The following CDH12 variants were observed in gnomAD, a reference collection of about 807,000 sequenced individuals.
The protein encoded by CDH12 is cadherin 12, also known as cadherin-12.
Under a neutral mutation model 74.1 loss-of-function variants are expected in CDH12, and 41 were observed. That is an observed-to-expected ratio of 0.55 (90% CI 0.43 to 0.72). The LOEUF is 0.72. CDH12 is among the 30% of genes least tolerant of loss of function. The probability of loss-of-function intolerance (pLI) is 0.00; values close to 1 mark genes in which losing one functional copy is unlikely to be tolerated. For synonymous variants in CDH12, 399 were observed against 355.0 expected (o/e 1.12, Z -1.39); for missense variants, 945 against 977.2 (o/e 0.97, Z 0.44).
intron 2 of CDH12, among the ~76,000 whole-genome samples, chr5:22,447,758 T>C (rs1744877221): frequency 6.6e-6 from 1 of 151,892 alleles, no homozygotes; most frequent in Non-Finnish European, 1.5e-5. Flanking sequence ...GGAATAAAAG[T>C]AAAACAAAAT....
chr5:21,780,532 T>G (rs1385859358), intron 11 of CDH12, among the ~76,000 whole-genome samples: 1 of 152,224 alleles, frequency 6.6e-6, no homozygotes, highest in Non-Finnish European at 1.5e-5. Flanking sequence ...AAGCCTATTA[T>G]GCCTACATCA....
intron 1 of CDH12, among the ~76,000 whole-genome samples, chr5:22,784,036 A>C (rs1383189490): frequency 2.0e-5 from 3 of 152,078 alleles, no homozygotes; most frequent in South Asian, 2.1e-4. Context: ...GTCTGAGGGC[A>C]GTCCTGATTA....
At chr5:22,755,524 C>T (rs950172171) in intron 1 of CDH12, among the ~76,000 whole-genome samples, 5 of 152,026 alleles carry the variant, frequency 3.3e-5, no homozygotes, top group African/African-American at 1.2e-4. Context: ...AAGTAATGCA[C>T]ATTTTTTGGT....
intron 6 of CDH12, among the ~76,000 whole-genome samples, chr5:21,896,992 C>T (rs1753154836): frequency 6.6e-6 from 1 of 151,052 alleles, no homozygotes; most frequent in African/African-American, 2.4e-5. Context: ...ACAAGCCAAC[C>T]AAAAAAAATT....
intron 3 of CDH12, among the ~76,000 whole-genome samples, chr5:22,281,886 T>C (rs1426705018): frequency 6.6e-6 from 1 of 152,120 alleles, no homozygotes; most frequent in Non-Finnish European, 1.5e-5. Flanking sequence ...TTTAATTTCA[T>C]AGGAAACCAA....
At chr5:22,402,227 A>G (rs1184338531) in intron 3 of CDH12, among the ~76,000 whole-genome samples, 3 of 152,324 alleles carry the variant, frequency 2.0e-5, no homozygotes, top group African/African-American at 7.2e-5. Context: ...AGATATTGGC[A>G]GAAACATGAA....
intron 1 of CDH12, among the ~76,000 whole-genome samples, chr5:22,601,760 A>G (rs1228240128): frequency 6.6e-6 from 1 of 152,104 alleles, no homozygotes; most frequent in African/African-American, 2.4e-5. Context: ...GAGGCCCTAG[A>G]TGAACCTTTC....
At chr5:22,456,107 T>TTATATATATATATATATATATATA (rs36020133) in intron 2 of CDH12, among the ~76,000 whole-genome samples, 26 of 147,884 alleles carry the variant, frequency 1.8e-4, no homozygotes, top group African/African-American at 6.3e-4. Flanking sequence ...CATGTGGATA[T>TTATATATATATATATATATATATA]TATATATATA....
At chr5:22,343,183 G>T (rs1739950589) in intron 3 of CDH12, among the ~76,000 whole-genome samples, 1 of 151,410 alleles carries the variant, frequency 6.6e-6, no homozygotes, top group South Asian at 2.1e-4. Context: ...GTAGAACGTA[G>T]ACTAACATGG....
intron 1 of CDH12, among the ~76,000 whole-genome samples, chr5:22,730,715 T>A (rs1230041598): frequency 6.6e-6 from 1 of 151,732 alleles, no homozygotes; most frequent in East Asian, 1.9e-4. Context: ...GGTGTTTAGA[T>A]GTGTAGAAAC....
chr5:22,139,144 CA>C (rs774926439), intron 4 of CDH12: 3 of 148,088 alleles, frequency 2.0e-5, no homozygotes, highest in South Asian at 4.3e-4. Context: ...TTTATTAAAT[CA>C]ATCCCTATGA....
At chr5:22,722,973 T>G (rs1041637079) in intron 1 of CDH12, among the ~76,000 whole-genome samples, 1 of 152,180 alleles carries the variant, frequency 6.6e-6, no homozygotes, top group Non-Finnish European at 1.5e-5. Flanking sequence ...AAGCTTCATT[T>G]CACTGGAGGC....
chr5:22,556,431 GGC>G (rs1738807698), intron 1 of CDH12, among the ~76,000 whole-genome samples: 2 of 151,964 alleles, frequency 1.3e-5, no homozygotes, highest in African/African-American at 4.8e-5. Context: ...AGTGACTTCA[GGC>G]ACAAATGAAA....
intron 1 of CDH12, among the ~76,000 whole-genome samples, chr5:22,594,673 G>A (rs543232214): frequency 2.0e-5 from 3 of 152,078 alleles, no homozygotes; most frequent in South Asian, 2.1e-4. Context: ...GCTGAAATGA[G>A]CATTTTAACT....
intron 6 of CDH12, among the ~76,000 whole-genome samples, chr5:21,901,536 T>C (rs991368679): frequency 1.3e-5 from 2 of 152,224 alleles, no homozygotes; most frequent in African/African-American, 4.8e-5. Flanking sequence ...AATTTCCTTT[T>C]ATTTATGTCA....
At chr5:22,302,492 G>A (rs1469800439) in intron 3 of CDH12, among the ~76,000 whole-genome samples, 1 of 152,106 alleles carries the variant, frequency 6.6e-6, no homozygotes, top group Non-Finnish European at 1.5e-5. Context: ...CCTTGGATAG[G>A]TTGAATTTAA....
chr5:22,075,087 T>A (rs1367835058), intron 5 of CDH12, among the ~76,000 whole-genome samples: 1 of 151,854 alleles, frequency 6.6e-6, no homozygotes, highest in Non-Finnish European at 1.5e-5. Context: ...TAGACTGGAT[T>A]AAGAAAATGT....
At chr5:22,079,593 T>C (rs1396761476) in intron 4 of CDH12, among the ~76,000 whole-genome samples, 1 of 152,144 alleles carries the variant, frequency 6.6e-6, no homozygotes, top group Non-Finnish European at 1.5e-5. Flanking sequence ...AAAATGTTTC[T>C]CTAGCCTGGA....
At chr5:21,880,692 T>TTTC in intron 6 of CDH12, among the ~76,000 whole-genome samples, 1 of 134,104 alleles carries the variant, frequency 7.5e-6, no homozygotes, top group Non-Finnish European at 1.6e-5. Flanking sequence ...TCTTTCTTTC[T>TTTC]CTTTTCTCCT....
Sources: allele counts gnomAD v4.1 joint callset (sites outside exome capture counted in the v4.1 genomes callset), GRCh38; gene constraint gnomAD v4.1.1; transcripts MANE v1.5; gene names NCBI Gene and HGNC (gene_info 2026-07-23, HGNC 2026-07-21).